Variants in LTN1 observed in about 807,000 individuals in gnomAD.
LTN1 encodes E3 ubiquitin-protein ligase listerin.
In LTN1, 88 loss-of-function variants were observed where a neutral mutation model predicts 201.2. The ratio of observed to expected loss-of-function variants is 0.44; its 90% CI spans 0.37 to 0.52. The LOEUF is 0.52. Among genes scored for constraint, LTN1 ranks in the 20% least tolerant of loss-of-function variants. The pLI, the probability that LTN1 is intolerant of heterozygous loss-of-function variation, is 0.00. For synonymous variants in LTN1, 645 were observed against 713.5 expected, an observed-to-expected ratio of 0.90 and a Z score of 1.53; for missense variants, 1,752 against 2,038.7, an observed-to-expected ratio of 0.86 and a Z score of 2.71.
At position 28,986,019 on chromosome 21, in the gene LTN1, C is replaced by T; in HGVS notation, c.345+120G>A. On this transcript the variant is annotated intron_variant, in intron 3 of 29. Transcript: ENST00000361371. This position sits in a 1 kb window ranked among gnomAD's most constrained non-coding sequence, Gnocchi z 4.1. ...AGTGTTAACAATTCAATCTGCATAA[C>T]AATGCTGACATAACATTTAATAACC... 1 of 637,514 alleles carries T rather than the reference C, an allele frequency of 1.6e-6. No individual in the cohort carries two copies. The highest frequency in any genetic ancestry group is 1.8e-5 in the South Asian group (1 of 54,514). 39.5% of individuals were successfully genotyped at this position (637,514 alleles called of 1,614,324 possible).
At position 28,981,108 on chromosome 21, in the gene LTN1, G is replaced by A. The variant is rs765819790; in HGVS notation, c.810+11C>T. ...CAGAGAAATGTCTTAAGATAAAAAA[G>A]ATTAATATACCTGAGGTACACTGTG... is the stretch of plus-strand genomic sequence containing the variant. On this transcript the variant is annotated intron_variant, in intron 6 of 29. Coordinates refer to ENST00000361371, the MANE Select transcript of LTN1 (RefSeq NM_015565.3). The A allele has an allele frequency of 6.8e-7, 1 of 1,475,630 alleles. No homozygotes were observed. Among genetic ancestry groups the A allele is most frequent in the Non-Finnish European group, 9.0e-7 (1 of 1,106,284 alleles). The allele number at this position is 1,475,630 out of a possible 1,614,324, so 91.4% of individuals were successfully genotyped here.
chr21:28,983,790 CAAGCATAGATTTTTT>C (rs1252634298), intron 4 of LTN1, among the ~76,000 whole-genome samples: 1 of 152,144 alleles, frequency 6.6e-6, no homozygotes, highest in African/African-American at 2.4e-5. Context: ...GGAATAAATG[CAAGCATAGATTTTTT>C]AAAAAATTAT....
In LTN1 at chr21:28,931,066, G is replaced by GGTGTGTGTGTGTGTGTGTGT. The variant is rs10608923; in HGVS notation, c.5238+69_5238+88dup. On this transcript the variant is annotated intron_variant, in intron 29 of 29. Coordinates refer to ENST00000361371, the MANE Select transcript of LTN1 (RefSeq NM_015565.3). ...CTCTTCCGAAGTTAGACATTGTGTA[G>GGTGTGTGTGTGTGTGTGTGT]GTGTGTGTGTGTGTGTGTGTGTGTG... The GGTGTGTGTGTGTGTGTGTGT allele has an allele frequency of 2.0e-4, 114 of 578,638 alleles. 2 individuals are homozygous for GGTGTGTGTGTGTGTGTGTGT. In the South Asian group the frequency reaches 2.9e-3, roughly 15 times the overall value. 35.8% of individuals were successfully genotyped at this position (578,638 alleles called of 1,614,324 possible). A position where few individuals can be genotyped will look rare whatever the true frequency, so the allele number is the denominator to read the frequency against.
chr21:28,960,884 T>C, intron 11 of LTN1, 178 bp from the exon 12 acceptor site: 1 of 477,530 alleles, frequency 2.1e-6, no homozygotes. Context: ...ATTAAGCCTG[T>C]ATGATGTTCA....
At chr21:28,991,179 A>C (rs2084742357) in intron 1 of LTN1, among the ~76,000 whole-genome samples, 1 of 151,682 alleles carries the variant, frequency 6.6e-6, no homozygotes, top group Non-Finnish European at 1.5e-5. Context: ...CCTAGCTACT[A>C]AGGAGGCTGA....
At position 28,930,484 on chromosome 21, in the gene LTN1, T is replaced by C; in HGVS notation, c.5265A>G (p.Lys1755=). The C allele has an allele frequency of 5.0e-6, 8 of 1,613,184 alleles. No homozygotes were observed. Among genetic ancestry groups the C allele is most frequent in the Non-Finnish European group, 5.9e-6 (7 of 1,179,484 alleles). The change falls in exon 30 of 30, where the codon AAA becomes AAG. Residue 1755 remains lysine, a synonymous_variant. Coordinates refer to ENST00000361371, the MANE Select transcript of LTN1 (RefSeq NM_015565.3). ...CLYKWFTSSN[K]STCPLCRETF... is the part of the protein sequence containing the mutation. Reference sequence around the variant, plus strand: ...TCTCACGACACAGTGGACAAGTGGATTTGTTGCTAGATGTAAACCATTTGT... The same window carrying C: ...TCTCACGACACAGTGGACAAGTGGACTTGTTGCTAGATGTAAACCATTTGT...
Position 28,943,703 on chromosome 21 carries a change from C to A in LTN1, c.4184G>T (p.Arg1395Met), listed in dbSNP as rs759396418. 1.9e-6 allele frequency: 3 copies of A among 1,613,424 alleles called. No homozygotes were observed. The highest frequency in any genetic ancestry group is 2.2e-5 in the East Asian group (1 of 44,834). ...ATGATAAACAGCAATTTGCACAGGC[C>A]TAGCTCTGAAGAGGAGTAATGGGGC... is the stretch of plus-strand genomic sequence containing the variant. ...TLAPLLLFRA[R>M]PVQIAVYHML... is the part of the protein sequence containing the mutation. Residue 1395 changes from arginine (R) to methionine (M), a missense_variant, in exon 23 of 30, where the codon AGG becomes ATG. By Grantham distance (91) the Arg-to-Met change is moderately conservative (BLOSUM62 -1). Transcript: ENST00000361371.
At chr21:28,931,034 A>C (rs1484666367) in intron 29 of LTN1, 121 bp downstream of exon 29, 16 of 618,112 alleles carry the variant, frequency 2.6e-5, no homozygotes, top group Non-Finnish European at 8.1e-6. Flanking sequence ...AGTTTAACAC[A>C]CATTTTCTCT....
At position 28,986,398 on chromosome 21, in the gene LTN1, C is replaced by A. The variant is rs760062328; in HGVS notation, c.247-161G>T. Reference sequence around the variant, plus strand: ...TGAAGAGCTCTTTCACAGGCTACTACGGTAGAAACTCTTCAGTTGTTTTTT... The same window carrying A: ...TGAAGAGCTCTTTCACAGGCTACTAAGGTAGAAACTCTTCAGTTGTTTTTT... On this transcript the variant is annotated intron_variant, in intron 2 of 29. Coordinates refer to ENST00000361371, the MANE Select transcript of LTN1 (RefSeq NM_015565.3). This position sits in a 1 kb window ranked among gnomAD's most constrained non-coding sequence, Gnocchi z 4.1. 1 of 684,324 alleles carries A rather than the reference C, an allele frequency of 1.5e-6. No individual in the cohort carries two copies. 42.4% of individuals were successfully genotyped at this position (684,324 alleles called of 1,614,324 possible). A position where few individuals can be genotyped will look rare whatever the true frequency, so the allele number is the denominator to read the frequency against.
At chr21:28,935,437 T>C in intron 26 of LTN1, 108 bp from the exon 27 acceptor site, 1 of 687,630 alleles carries the variant, frequency 1.5e-6, no homozygotes. Flanking sequence ...TCAACAATAG[T>C]GCTATAGCTC....
chr21:28,977,813 AGCTACTCGGGAG>A (rs2084627917), intron 6 of LTN1, among the ~76,000 whole-genome samples: 2 of 152,172 alleles, frequency 1.3e-5, no homozygotes, highest in South Asian at 4.1e-4. Flanking sequence ...CTGAGTGCCA[AGCTACTCGGGAG>A]GCTAAGGGAG....
intron 10 of LTN1, 31 bp downstream of exon 10, chr21:28,966,339 A>C (rs1184670691): frequency 6.6e-7 from 1 of 1,522,622 alleles, no homozygotes; most frequent in Admixed American, 2.1e-5. Flanking sequence ...CTATTATTCA[A>C]ATAGTTTGAA....
At chr21:28,984,619 G>C (rs893035551) in intron 4 of LTN1, 73 bp downstream of exon 4, 2 of 1,044,780 alleles carry the variant, frequency 1.9e-6, no homozygotes, top group Non-Finnish European at 2.8e-6. Flanking sequence ...CCAAGTAAAA[G>C]AGCTGTCATT....
chr21:28,941,543 G>A, intron 24 of LTN1, 137 bp from the exon 25 acceptor site: 1 of 627,702 alleles, frequency 1.6e-6, no homozygotes, highest in Non-Finnish European at 2.7e-6. Flanking sequence ...CCCCTCTATT[G>A]AGCCAATTTT....
chr21:28,957,365 T>C lies in LTN1; in HGVS notation c.2859A>G (p.Glu953=), dbSNP rs181798401. ...YIGSVMPNDS[E]WEKMRQSLPM... is the part of the protein sequence containing the mutation. ...GAAGAGACTGCCTCATCTTTTCCCATTCACTGTCGTTCGGCATTACACTTC... is the reference window on the plus strand; with the variant it reads ...GAAGAGACTGCCTCATCTTTTCCCACTCACTGTCGTTCGGCATTACACTTC... Residue 953 remains glutamate, a synonymous_variant, in exon 15 of 30, where the codon GAA becomes GAG. Transcript: ENST00000361371. The C allele has an allele frequency of 1.8e-5, 29 of 1,605,304 alleles. No homozygotes were observed. In the East Asian group the frequency reaches 4.5e-4, roughly 25 times the overall value.
chr21:28,969,085 G>A (rs1039983838), intron 9 of LTN1, among the ~76,000 whole-genome samples: 2 of 152,048 alleles, frequency 1.3e-5, no homozygotes, highest in East Asian at 3.9e-4. Flanking sequence ...GCTGGGTGTG[G>A]TGGCGGGTGC....
chr21:28,949,677 C>A (rs1442087592), intron 18 of LTN1, among the ~76,000 whole-genome samples: 3 of 152,156 alleles, frequency 2.0e-5, no homozygotes, highest in Admixed American at 6.6e-5. Context: ...GAATTTCTTT[C>A]CCTTTTAAGG....
At chr21:28,989,525 G>T (rs1325043436) in intron 1 of LTN1, among the ~76,000 whole-genome samples, 3 of 151,302 alleles carry the variant, frequency 2.0e-5, no homozygotes, top group Non-Finnish European at 4.4e-5. Context: ...CTAGCTTCTA[G>T]AGTTATTTGT....
At position 28,953,650 on chromosome 21, in the gene LTN1, G is replaced by A. The variant is rs182780849; in HGVS notation, c.3080-274C>T. Reference sequence around the variant, plus strand: ...AAGAACCTAAGTTACTAGAGATACTGAAAGAATCTTCCTACCATTTTGGCA... The same window carrying A: ...AAGAACCTAAGTTACTAGAGATACTAAAAGAATCTTCCTACCATTTTGGCA... On this transcript the variant is annotated intron_variant, in intron 16 of 29. Coordinates refer to ENST00000361371, the MANE Select transcript of LTN1 (RefSeq NM_015565.3). Among the ~76,000 whole-genome samples, 639 of 152,244 alleles carry A rather than the reference G, an allele frequency of 4.2e-3. 2 individuals are homozygous for A. The highest frequency in any genetic ancestry group is 0.014 in the African/African-American group (600 of 41,544).
Sources: gnomAD v4.1 joint callset for allele counts (sites outside exome capture counted in the v4.1 genomes callset) on GRCh38, gnomAD v4.1.1 for gene constraint, Gnocchi (gnomAD v3.1) non-coding constraint, MANE v1.5 for transcripts, NCBI Gene and HGNC (gene_info 2026-07-23, HGNC 2026-07-21) for gene names.